The following DCBLD2 variants were observed in gnomAD, a reference collection of about 807,000 sequenced individuals.
The protein encoded by DCBLD2 is discoidin, CUB and LCCL domain-containing protein 2.
In DCBLD2, 54 loss-of-function variants were observed where a neutral mutation model predicts 86.8. The observed-to-expected ratio is 0.62, with a 90% CI of 0.50 to 0.78. The LOEUF is 0.78. DCBLD2 is among the 30% of genes least tolerant of loss of function. The pLI is 0.00. For missense variants in DCBLD2, 908 were observed against 954.2 expected, an observed-to-expected ratio of 0.95 and a Z score of 0.64; for synonymous variants, 354 against 341.3, an observed-to-expected ratio of 1.04 and a Z score of -0.41.
intron 2 of DCBLD2, among the ~76,000 whole-genome samples, chr3:98,864,435 C>G (rs972639605): frequency 6.6e-6 from 1 of 152,114 alleles, no homozygotes; most frequent in Non-Finnish European, 1.5e-5. Context: ...TTCACAATAG[C>G]AAAGACTTGG....
At chr3:98,801,357 G>A (rs1941714835) in intron 14 of DCBLD2, 2 of 446,324 alleles carry the variant, frequency 4.5e-6, no homozygotes, top group African/African-American at 2.0e-5. Flanking sequence ...AACTACACAA[G>A]TTTTCCAGAA....
At chr3:98,857,113 C>T (rs1942945275) in intron 2 of DCBLD2, among the ~76,000 whole-genome samples, 1 of 152,132 alleles carries the variant, frequency 6.6e-6, no homozygotes, top group Non-Finnish European at 1.5e-5. Flanking sequence ...TTCGTGGTCT[C>T]ACTGGCTCAG....
At chr3:98,822,613 G>C (rs1942144185) in intron 5 of DCBLD2, 56 bp downstream of exon 5, 1 of 1,479,786 alleles carries the variant, frequency 6.8e-7, no homozygotes, top group South Asian at 1.3e-5. Context: ...CTACTCTGGA[G>C]TTCTAAAAAA....
Position 98,901,104 on chromosome 3 carries a change from T to A in DCBLD2, c.205+18A>T, listed in dbSNP as rs374297569. Reference sequence around the variant, plus strand: ...CGACGGAGGTTCCCCCGCCGCTCACTCCCCTGGGACCACTCACCTTGCTGG... The same window carrying A: ...CGACGGAGGTTCCCCCGCCGCTCACACCCCTGGGACCACTCACCTTGCTGG... On this transcript the variant is annotated intron_variant, in intron 1 of 15. Transcript: ENST00000326840. 11 of 1,538,588 alleles carry A rather than the reference T, an allele frequency of 7.1e-6. No individual in the cohort carries two copies. Among genetic ancestry groups the A allele is most frequent in the Non-Finnish European group, 9.6e-6 (11 of 1,146,416 alleles).
chr3:98,897,950 C>T (rs1943779059), intron 1 of DCBLD2, among the ~76,000 whole-genome samples: 1 of 151,996 alleles, frequency 6.6e-6, no homozygotes, highest in African/African-American at 2.4e-5. Flanking sequence ...CCATCAACTT[C>T]CAATAAATTT....
At chr3:98,828,817 T>C (rs1942270987) in intron 3 of DCBLD2, among the ~76,000 whole-genome samples, 1 of 152,190 alleles carries the variant, frequency 6.6e-6, no homozygotes, top group South Asian at 2.1e-4. Flanking sequence ...TACAATGGAA[T>C]ATTATTTGGC....
intron 3 of DCBLD2, among the ~76,000 whole-genome samples, chr3:98,825,639 G>GTTTTTATA (rs1942201575): frequency 1.7e-5 from 1 of 59,434 alleles, no homozygotes; most frequent in African/African-American, 5.0e-5. Context: ...ATGTATATGT[G>GTTTTTATA]TATTTATATA....
At chr3:98,879,553 A>AT (rs1400152823) in intron 2 of DCBLD2, among the ~76,000 whole-genome samples, 6 of 151,868 alleles carry the variant, frequency 4.0e-5, no homozygotes, top group African/African-American at 1.5e-4. Context: ...CGCCCGGCTC[A>AT]TTTTTTTGTA....
intron 2 of DCBLD2, among the ~76,000 whole-genome samples, chr3:98,866,566 T>C (rs1056560294): frequency 1.3e-5 from 2 of 152,208 alleles, no homozygotes; most frequent in Non-Finnish European, 2.9e-5. Flanking sequence ...TGTTTTTTTC[T>C]TGTAAATTTG....
rs546661874 is a variant in DCBLD2, at chr3:98,805,907, GT to G, written c.1670+2173del. Among the ~76,000 whole-genome samples, 465 of 152,236 alleles carry G rather than the reference GT, an allele frequency of 3.1e-3. 4 individuals are homozygous for G. The highest frequency in any genetic ancestry group is 0.011 in the African/African-American group (455 of 41,544). On this transcript the variant is annotated intron_variant, in intron 13 of 15. Transcript: ENST00000326840. ...TATTATGTGTTCAGAGCAGCAGTGG[GT>G]AAGAGCACGATCTCTCAAGTCTGGT...
Position 98,819,292 on chromosome 3 carries a change from G to A in DCBLD2, c.997C>T (p.Leu333=). 1 of 1,613,648 alleles carries A rather than the reference G, an allele frequency of 6.2e-7. No homozygotes were observed. Among genetic ancestry groups the A allele is most frequent in the Non-Finnish European group, 8.5e-7 (1 of 1,179,782 alleles). Residue 333 remains leucine, a synonymous_variant, in exon 8 of 16, where the codon CTG becomes TTG. Transcript: ENST00000326840. Reference sequence around the variant, plus strand: ...GCCCAAGGCGGTCCAGGTTTTTTCAGCCTGGCTTTTTTGGGTTTCCAACTG... The same window carrying A: ...GCCCAAGGCGGTCCAGGTTTTTTCAACCTGGCTTTTTTGGGTTTCCAACTG... The part of the protein sequence containing the change: ...ENSWKPKKAR[L]KKPGPPWAAF...
intron 5 of DCBLD2, 53 bp from the exon 6 acceptor site, chr3:98,822,414 T>C: frequency 1.9e-6 from 3 of 1,568,688 alleles, no homozygotes; most frequent in Non-Finnish European, 2.6e-6. Flanking sequence ...TAATAATTCA[T>C]AAACAAGACA....
At chr3:98,801,482 T>C (rs888508169) in intron 14 of DCBLD2, 118 bp downstream of exon 14, 6 of 685,614 alleles carry the variant, frequency 8.8e-6, no homozygotes, top group African/African-American at 7.2e-5. Flanking sequence ...AATGCCATTG[T>C]TCTAACAGTG....
At chr3:98,838,546 GCTC>G (rs1373377774) in intron 3 of DCBLD2, among the ~76,000 whole-genome samples, 2 of 147,070 alleles carry the variant, frequency 1.4e-5, no homozygotes, top group African/African-American at 2.5e-5. Flanking sequence ...GGGCGGAGAC[GCTC>G]CTCACTTTCC....
intron 10 of DCBLD2, among the ~76,000 whole-genome samples, chr3:98,811,774 A>T (rs1191074634): frequency 6.6e-6 from 1 of 152,182 alleles, no homozygotes; most frequent in Non-Finnish European, 1.5e-5. Context: ...ATCATCTGAA[A>T]ATAATCTTAG....
At chr3:98,899,030 A>C (rs962683837) in intron 1 of DCBLD2, among the ~76,000 whole-genome samples, 9 of 152,018 alleles carry the variant, frequency 5.9e-5, no homozygotes, top group Non-Finnish European at 1.2e-4. Context: ...AGGTACAAAG[A>C]GATTAAATAT....
intron 14 of DCBLD2, 124 bp from the exon 15 acceptor site, chr3:98,800,840 C>A: frequency 7.6e-7 from 1 of 1,319,510 alleles, no homozygotes; most frequent in Non-Finnish European, 1.0e-6. Context: ...ACAAACTTGC[C>A]TTTATAATCC....
chr3:98,882,951 T>C (rs1414746337), intron 1 of DCBLD2, among the ~76,000 whole-genome samples: 2 of 152,210 alleles, frequency 1.3e-5, no homozygotes, highest in African/African-American at 2.4e-5. Flanking sequence ...ATGGGATGGC[T>C]GGGTCAAATG....
chr3:98,822,499 C>G, intron 5 of DCBLD2, 138 bp from the exon 6 acceptor site: 1 of 1,291,772 alleles, frequency 7.7e-7, no homozygotes, highest in Non-Finnish European at 1.0e-6. Flanking sequence ...ATTATTGGTA[C>G]TGTAACACAA....
Sources: allele counts gnomAD v4.1 joint callset (sites outside exome capture counted in the v4.1 genomes callset), GRCh38; gene constraint gnomAD v4.1.1; transcripts MANE v1.5; gene names NCBI Gene and HGNC (gene_info 2026-07-23, HGNC 2026-07-21).